MEGF6: variants seen among roughly 807,000 people sequenced by gnomAD.
MEGF6 encodes the protein multiple epidermal growth factor-like domains protein 6.
In MEGF6, 184 loss-of-function variants were observed where a neutral mutation model predicts 207.1. The observed-to-expected ratio is 0.89, with a 90% CI of 0.79 to 1.00. The LOEUF (loss-of-function observed/expected upper bound fraction) is 1.00. Among genes scored for constraint, MEGF6 ranks in the 50% least tolerant of loss-of-function variants. The pLI is 0.00. For synonymous variants in MEGF6, 1,038 were observed against 910.0 expected (o/e 1.14, Z -2.53); for missense variants, 2,282 against 2,202.9 (o/e 1.04, Z -0.72).
At chr1:3,564,894 C>A (rs959256239) in intron 4 of MEGF6, among the ~76,000 whole-genome samples, 27 of 152,252 alleles carry the variant, frequency 1.8e-4, no homozygotes, top group African/African-American at 6.5e-4. Flanking sequence ...CCGCTCTGGC[C>A]GAGGCATTTT....
chr1:3,551,557 C>T (rs1487043545), intron 4 of MEGF6, among the ~76,000 whole-genome samples: 6 of 152,170 alleles, frequency 3.9e-5, no homozygotes, highest in South Asian at 2.1e-4. Flanking sequence ...ACAAGGTCAA[C>T]ACAGACCCAA....
intron 4 of MEGF6, among the ~76,000 whole-genome samples, chr1:3,555,495 G>T (rs927355910): frequency 2.6e-5 from 4 of 152,244 alleles, no homozygotes; most frequent in African/African-American, 7.2e-5. Context: ...CACTGAGGGC[G>T]CCGTGTTTAA....
rs1468456149 is a variant in MEGF6 at position 3,490,505 on chromosome 1, CG to C, written c.*22del. ...TCCCCTCTGGCTGGGACTGGAGAGG[CG>C]GGCTCCACGGGACTGCCTCTACTAG... On this transcript the variant is annotated 3_prime_UTR_variant, in exon 37 of 37. Transcript: ENST00000356575. The C allele has an allele frequency of 1.9e-6, 3 of 1,611,414 alleles. No individual in the cohort carries two copies. The highest frequency in any genetic ancestry group is 1.1e-5 in the South Asian group (1 of 91,010).
intron 36 of MEGF6, 29 bp from the exon 37 acceptor site, chr1:3,490,618 C>T: frequency 6.2e-7 from 1 of 1,609,784 alleles, no homozygotes; most frequent in East Asian, 2.2e-5. Context: ...GAGGGCCAGT[C>T]CAGGGTGGGG....
chr1:3,547,994 G>A (rs1170596681), intron 4 of MEGF6, among the ~76,000 whole-genome samples: 2 of 152,074 alleles, frequency 1.3e-5, no homozygotes, highest in Non-Finnish European at 2.9e-5. Flanking sequence ...ACCCACCCCT[G>A]CTGAACTGCA....
intron 4 of MEGF6, among the ~76,000 whole-genome samples, chr1:3,558,495 T>C (rs949143658): frequency 1.3e-5 from 2 of 152,058 alleles, no homozygotes; most frequent in Admixed American, 6.6e-5. Context: ...AGTTGTAAGG[T>C]TGTAAATCAA....
intron 4 of MEGF6, among the ~76,000 whole-genome samples, chr1:3,550,965 C>A (rs565501055): frequency 2.0e-5 from 3 of 152,368 alleles, no homozygotes; most frequent in Admixed American, 1.3e-4. Flanking sequence ...GAGGCTCCAG[C>A]CGGCCAGGGC....
chr1:3,597,068 C>G (rs2101855034), intron 2 of MEGF6, among the ~76,000 whole-genome samples: 1 of 152,340 alleles, frequency 6.6e-6, no homozygotes, highest in East Asian at 1.9e-4. Flanking sequence ...GACCCCGCAG[C>G]CCCTGTGAGG....
rs539541850 is a variant in MEGF6, at chr1:3,558,989, G to C, written c.481+20836C>G. On this transcript the variant is annotated intron_variant, in intron 4 of 36. Transcript: ENST00000356575. ...TGCAGTGAGCCATGATTGTGCCCCT[G>C]CACTCCAGCCTGGGTGACAGAGTGA... is the stretch of plus-strand genomic sequence containing the variant. 2.0e-5 allele frequency among the ~76,000 whole-genome samples: 3 copies of C among 152,272 alleles called. No individual in the cohort carries two copies. In the South Asian group the frequency reaches 6.2e-4, roughly 32 times the overall value.
chr1:3,585,146 C>T (rs1643874175), intron 3 of MEGF6, among the ~76,000 whole-genome samples: 1 of 149,742 alleles, frequency 6.7e-6, no homozygotes, highest in Non-Finnish European at 1.5e-5. Context: ...GACACATGTC[C>T]TGTGTGTGGG....
rs1433488776 is a variant in MEGF6 at position 3,488,170 on chromosome 1, G to A, written c.*2358C>T. 4.6e-5 allele frequency among the ~76,000 whole-genome samples: 7 copies of A among 152,096 alleles called. No homozygotes were observed. The highest frequency in any genetic ancestry group is 4.1e-4 in the South Asian group (2 of 4,828). Reference sequence around the variant, plus strand: ...TATATGGTCAGGAGTTTGTTTTTCCGTCGTCATTTGTAACCGTTAACATTA... The same window carrying A: ...TATATGGTCAGGAGTTTGTTTTTCCATCGTCATTTGTAACCGTTAACATTA... On this transcript the variant is annotated 3_prime_UTR_variant, in exon 37 of 37. Transcript: ENST00000356575.
rs115528708 is a variant in MEGF6 at position 3,554,108 on chromosome 1, C to T, written c.481+25717G>A. On this transcript the variant is annotated intron_variant, in intron 4 of 36. Transcript: ENST00000356575. ...AAGCTTGGCGCCTGCTTCCAGAACG[C>T]CTGCTTGGGGTGGGGAAGAGCACAT... 4.8e-3 allele frequency among the ~76,000 whole-genome samples: 728 copies of T among 152,286 alleles called. 8 individuals carry two copies. The highest frequency in any genetic ancestry group is 0.017 in the African/African-American group (707 of 41,560).
At chr1:3,597,977 T>C (rs1047838456) in intron 2 of MEGF6, among the ~76,000 whole-genome samples, 1 of 152,014 alleles carries the variant, frequency 6.6e-6, no homozygotes, top group Admixed American at 6.5e-5. Context: ...AGCGGGAGGA[T>C]GGAGACAGAG....
At position 3,490,166 on chromosome 1, in the gene MEGF6, G is replaced by A; in HGVS notation, c.*362C>T. ...CACCAAAAAGCCTGCCTGGAGGACA[G>A]TGGCCCTGTGCCTGCACCTGCGCCT... On this transcript the variant is annotated 3_prime_UTR_variant, in exon 37 of 37. Transcript: ENST00000356575. The A allele has an allele frequency of 3.2e-6, 1 of 314,066 alleles. No individual in the cohort carries two copies. 19.5% of individuals were successfully genotyped at this position (314,066 alleles called of 1,614,324 possible).
chr1:3,618,561 C>T, the MEGF6 span, among the ~76,000 whole-genome samples: 4 of 152,170 alleles, frequency 2.6e-5, no homozygotes, highest in East Asian at 3.9e-4. This position sits in a 1 kb window ranked among gnomAD's most constrained non-coding sequence, Gnocchi z 4.7. Context: ...GCTACTTCCC[C>T]GCAGCCTGCT....
chr1:3,495,440 C>T (rs1640559434), intron 30 of MEGF6, among the ~76,000 whole-genome samples: 1 of 152,178 alleles, frequency 6.6e-6, no homozygotes, highest in Non-Finnish European at 1.5e-5. Flanking sequence ...GGGTCCAGCC[C>T]ATCTCTCTAC....
chr1:3,606,448 C>T (rs539418996), intron 1 of MEGF6, among the ~76,000 whole-genome samples: 15 of 152,324 alleles, frequency 9.8e-5, no homozygotes, highest in East Asian at 1.9e-4. Context: ...CAGCTCCCCA[C>T]GCCCCATCTT....
intron 13 of MEGF6, 50 bp from the exon 14 acceptor site, chr1:3,507,973 C>G (rs750616404): frequency 1.3e-6 from 2 of 1,582,448 alleles, no homozygotes; most frequent in Non-Finnish European, 1.7e-6. Flanking sequence ...GCACGACACT[C>G]TGAGACCCCT....
chr1:3,536,747 G>A (rs1642341125), intron 4 of MEGF6, among the ~76,000 whole-genome samples: 2 of 152,338 alleles, frequency 1.3e-5, no homozygotes, highest in South Asian at 2.1e-4. Context: ...AAGCTGGGCG[G>A]CCACCAGGCT....
Sources: allele counts gnomAD v4.1 joint callset (sites outside exome capture counted in the v4.1 genomes callset), GRCh38; gene constraint gnomAD v4.1.1; non-coding constraint Gnocchi (gnomAD v3.1); transcripts MANE v1.5; gene names NCBI Gene and HGNC (gene_info 2026-07-23, HGNC 2026-07-21).